MTMR14: variants seen among roughly 807,000 people sequenced by gnomAD.
The protein encoded by MTMR14 is phosphatidylinositol-3,5-bisphosphate 3-phosphatase MTMR14.
In MTMR14, 48 loss-of-function variants were observed where a neutral mutation model predicts 86.3. The ratio of observed to expected loss-of-function variants is 0.56; its 90% CI spans 0.44 to 0.71. MTMR14 has a LOEUF of 0.71. Ranked by LOEUF, MTMR14 falls within the 30% of genes least tolerant of loss-of-function variation. The pLI is 0.00. For missense variants in MTMR14, 780 were observed against 834.6 expected (o/e 0.93, Z 0.81); for synonymous variants, 366 against 326.1 (o/e 1.12, Z -1.32).
chr3:9,684,995 C>T (rs530677935), intron 12 of MTMR14, 31 bp downstream of exon 12: 2 of 1,600,288 alleles, frequency 1.2e-6, no homozygotes, highest in East Asian at 2.2e-5. Flanking sequence ...GGTTTTGGGG[C>T]CTTAGTAACA....
intron 7 of MTMR14, 81 bp downstream of exon 7, chr3:9,672,839 C>G: frequency 1.5e-6 from 2 of 1,318,248 alleles, no homozygotes; most frequent in South Asian, 2.3e-5. Context: ...TACTTAGTTA[C>G]ACTGGCGCCC....
At chr3:9,679,382 T>A (rs764522742) in intron 9 of MTMR14, among the ~76,000 whole-genome samples, 22 of 152,184 alleles carry the variant, frequency 1.4e-4, no homozygotes, top group Non-Finnish European at 2.4e-4. Flanking sequence ...CTTCCTTCTT[T>A]ATGTGCTGCA....
At chr3:9,650,778 G>A (rs887081742) in intron 1 of MTMR14, among the ~76,000 whole-genome samples, 2 of 151,164 alleles carry the variant, frequency 1.3e-5, no homozygotes, top group Non-Finnish European at 2.9e-5. Flanking sequence ...TGGGATCCTG[G>A]AATTTGCTTT....
intron 3 of MTMR14, 74 bp downstream of exon 3, chr3:9,662,449 C>T: frequency 8.0e-7 from 1 of 1,249,426 alleles, no homozygotes; most frequent in Non-Finnish European, 1.2e-6. Context: ...AGTATAGGGT[C>T]TTTTTTTCCC....
Position 9,649,582 on chromosome 3 carries a change from C to T in MTMR14, c.-2C>T. The T allele has an allele frequency of 6.5e-7, 1 of 1,543,700 alleles. No individual in the cohort carries two copies. The highest frequency in any genetic ancestry group is 8.7e-7 in the Non-Finnish European group (1 of 1,144,668). The stretch of plus-strand genomic sequence containing the variant: ...CACACTGAGGGGACGCGGGGCTGGG[C>T]CATGGCCGGCGCTCGGGCCGCCGCC... On this transcript the variant is annotated 5_prime_UTR_variant, in exon 1 of 19. Transcript: ENST00000296003.
Position 9,695,015 on chromosome 3 carries a change from C to T in MTMR14, c.1614-2696C>T, listed in dbSNP as rs531171649. On this transcript the variant is annotated intron_variant, in intron 17 of 18. Coordinates refer to ENST00000296003, the MANE Select transcript of MTMR14 (RefSeq NM_001077525.3). ...CCGCCACCATCCAGTTTGAGGGTTG[C>T]TTGGTCCCATGTTCTCTCCAGTCCT... is the stretch of plus-strand genomic sequence containing the variant. 3.3e-5 allele frequency among the ~76,000 whole-genome samples: 5 copies of T among 152,330 alleles called. No individual in the cohort carries two copies. In the South Asian group the frequency reaches 1.0e-3, roughly 32 times the overall value.
intron 3 of MTMR14, among the ~76,000 whole-genome samples, chr3:9,663,804 C>T (rs1174457353): frequency 1.1e-4 from 17 of 150,426 alleles, no homozygotes; most frequent in African/African-American, 2.2e-4. Flanking sequence ...TGAGCCACCG[C>T]GCACGGCCTG....
intron 1 of MTMR14, among the ~76,000 whole-genome samples, chr3:9,652,835 T>G (rs1366067218): frequency 6.7e-6 from 1 of 149,784 alleles, no homozygotes; most frequent in South Asian, 2.1e-4. Context: ...ACTAAAAATA[T>G]GAAAATTAGC....
chr3:9,669,300 T>C (rs1574982807), intron 4 of MTMR14, 132 bp from the exon 5 acceptor site: 2 of 760,500 alleles, frequency 2.6e-6, no homozygotes, highest in Non-Finnish European at 2.2e-6. Flanking sequence ...GGGGGCATAC[T>C]GTGTCCTTAG....
At chr3:9,661,592 G>A (rs1224754326) in intron 2 of MTMR14, among the ~76,000 whole-genome samples, 1 of 152,054 alleles carries the variant, frequency 6.6e-6, no homozygotes, top group African/African-American at 2.4e-5. Context: ...CACAAAAATG[G>A]TCCTGTGATT....
rs9880613 is a variant in MTMR14, at chr3:9,671,060, G to A, written c.567G>A (p.Thr189=). The change falls in exon 6 of 19, where the codon ACG becomes ACA. Residue 189 remains threonine (T), a synonymous_variant. Coordinates refer to ENST00000296003, the MANE Select transcript of MTMR14 (RefSeq NM_001077525.3). The stretch of plus-strand genomic sequence containing the variant: ...CTCTTTATTTCAGAAGTGGTGACAC[G>A]CATCTTTTTGATAAGGTCAGAGGCT... ...EEDCALRSGD[T]HLFDKVRGYD... 353 of 1,614,078 alleles carry A rather than the reference G, an allele frequency of 2.2e-4. No individual in the cohort carries two copies. The African/African-American group carries it at 4.1e-3, about 19-fold the overall frequency.
rs1426561911 is a variant in MTMR14 at position 9,684,565 on chromosome 3, C to G, written c.965-20C>G. ...TGTCTGGTTCTCTCCTGGGCATCCT[C>G]TCCTGCGGTTCCTGAGTAGATGACA... On this transcript the variant is annotated intron_variant, in intron 10 of 18. Coordinates refer to ENST00000296003, the MANE Select transcript of MTMR14 (RefSeq NM_001077525.3). 6.2e-7 allele frequency: 1 copy of G among 1,613,648 alleles called. No homozygotes were observed. Among genetic ancestry groups the G allele is most frequent in the South Asian group, 1.1e-5 (1 of 91,072 alleles).
At chr3:9,672,580 T>C in intron 6 of MTMR14, 105 bp from the exon 7 acceptor site, 1 of 1,031,900 alleles carries the variant, frequency 9.7e-7, no homozygotes, top group Admixed American at 1.7e-5. Context: ...AAGAATAGTT[T>C]TTTTTAGCAG....
At chr3:9,663,539 C>T (rs2048069264) in intron 3 of MTMR14, among the ~76,000 whole-genome samples, 1 of 106,464 alleles carries the variant, frequency 9.4e-6, no homozygotes, top group Non-Finnish European at 1.7e-5. Context: ...AGGCAGCAGA[C>T]ATCTTGCTCT....
chr3:9,682,631 G>GGGAA, intron 9 of MTMR14, among the ~76,000 whole-genome samples: 1 of 152,346 alleles, frequency 6.6e-6, no homozygotes, highest in South Asian at 2.1e-4. Flanking sequence ...CTGCCAGACA[G>GGGAA]ACTCCATTTA....
At chr3:9,697,182 C>T (rs1213736412) in intron 17 of MTMR14, among the ~76,000 whole-genome samples, 1 of 152,162 alleles carries the variant, frequency 6.6e-6, no homozygotes, top group Non-Finnish European at 1.5e-5. Context: ...GACCTCAGGG[C>T]TCCCATTCCA....
At chr3:9,680,581 C>T (rs563593199) in intron 9 of MTMR14, among the ~76,000 whole-genome samples, 7 of 152,344 alleles carry the variant, frequency 4.6e-5, no homozygotes, top group South Asian at 2.1e-4. Flanking sequence ...CACGGTGGCT[C>T]ATGCCTGTAA....
At chr3:9,689,597 G>A (rs1197995875) in intron 16 of MTMR14, among the ~76,000 whole-genome samples, 1 of 152,172 alleles carries the variant, frequency 6.6e-6, no homozygotes, top group Non-Finnish European at 1.5e-5. Flanking sequence ...GGGAGGCCAA[G>A]GCAGGAGGAT....
chr3:9,698,626 C>G (rs540047591), intron 18 of MTMR14, among the ~76,000 whole-genome samples: 35 of 152,196 alleles, frequency 2.3e-4, no homozygotes, highest in African/African-American at 7.2e-4. Flanking sequence ...TCCAGCTCAT[C>G]CCCCCACCCC....
Sources: allele counts gnomAD v4.1 joint callset (sites outside exome capture counted in the v4.1 genomes callset), GRCh38; gene constraint gnomAD v4.1.1; transcripts MANE v1.5; gene names NCBI Gene and HGNC (gene_info 2026-07-23, HGNC 2026-07-21).